MAP2: variants seen among roughly 807,000 people sequenced by gnomAD.
The protein encoded by MAP2 is microtubule-associated protein 2.
Under a neutral mutation model 137.6 loss-of-function variants are expected in MAP2, and 14 were observed. The ratio of observed to expected loss-of-function variants is 0.10; its 90% CI spans 0.07 to 0.16. The LOEUF (loss-of-function observed/expected upper bound fraction) is 0.16, where lower values mean the gene tolerates loss of function less well. MAP2 is among the 10% of genes least tolerant of loss of function. The pLI is 1.00. For synonymous variants in MAP2, 786 were observed against 782.3 expected (o/e 1.00, Z -0.08); for missense variants, 2,088 against 2,191.5 (o/e 0.95, Z 0.94).
At chr2:209,635,892 TG>T (rs1269462486) in intron 4 of MAP2, among the ~76,000 whole-genome samples, 1 of 152,102 alleles carries the variant, frequency 6.6e-6, no homozygotes, top group African/African-American at 2.4e-5. Context: ...CCTACAAGCA[TG>T]TAAGCAAAGA....
At chr2:209,475,716 C>G (rs1297215162) in intron 1 of MAP2, among the ~76,000 whole-genome samples, 1 of 152,052 alleles carries the variant, frequency 6.6e-6, no homozygotes, top group Non-Finnish European at 1.5e-5. Context: ...AAGCATCAAT[C>G]TTTGTATCTA....
intron 2 of MAP2, among the ~76,000 whole-genome samples, chr2:209,518,779 C>T (rs1218844246): frequency 6.6e-6 from 1 of 151,756 alleles, no homozygotes. Flanking sequence ...CTGTTTTTGT[C>T]GTAGGTTTTA....
chr2:209,542,416 G>A (rs183345379), intron 2 of MAP2, among the ~76,000 whole-genome samples: 10 of 152,252 alleles, frequency 6.6e-5, no homozygotes, highest in East Asian at 3.9e-4. Context: ...GTAAATGAGC[G>A]CTGACTTCAA....
At chr2:209,704,208 T>C (rs1480157778) in intron 11 of MAP2, among the ~76,000 whole-genome samples, 1 of 152,080 alleles carries the variant, frequency 6.6e-6, no homozygotes, top group African/African-American at 2.4e-5. Context: ...AATGAGAACA[T>C]GTGATATTTG....
At chr2:209,508,074 A>G (rs2061284679) in intron 2 of MAP2, among the ~76,000 whole-genome samples, 2 of 152,066 alleles carry the variant, frequency 1.3e-5, no homozygotes, top group South Asian at 4.1e-4. Context: ...AGAATTGAAA[A>G]CGTACTTTTC....
At chr2:209,667,072 C>G (rs577250030) in intron 5 of MAP2, among the ~76,000 whole-genome samples, 1 of 152,068 alleles carries the variant, frequency 6.6e-6, no homozygotes. Flanking sequence ...ATTTTGGACA[C>G]TCTAAACTCT....
chr2:209,436,749 A>C (rs1307320267), intron 1 of MAP2, among the ~76,000 whole-genome samples: 1 of 151,644 alleles, frequency 6.6e-6, no homozygotes, highest in Non-Finnish European at 1.5e-5. Flanking sequence ...AGTGTTTGTG[A>C]CGTTGATTTT....
chr2:209,556,950 A>G (rs2070831561), intron 2 of MAP2, among the ~76,000 whole-genome samples: 3 of 152,094 alleles, frequency 2.0e-5, no homozygotes, highest in South Asian at 2.1e-4. Context: ...GTTAAGTGCT[A>G]TATATTAAAT....
intron 1 of MAP2, among the ~76,000 whole-genome samples, chr2:209,465,720 A>G (rs559549325): frequency 6.6e-6 from 1 of 152,162 alleles, no homozygotes; most frequent in African/African-American, 2.4e-5. Flanking sequence ...TAGACTCCAT[A>G]GGAGTCTAAA....
At chr2:209,683,245 T>G (rs1291480610) in intron 7 of MAP2, among the ~76,000 whole-genome samples, 1 of 152,200 alleles carries the variant, frequency 6.6e-6, no homozygotes, top group African/African-American at 2.4e-5. Context: ...TTCAAGCTGT[T>G]TCAAGATATT....
chr2:209,638,103 T>C (rs1010008168), intron 4 of MAP2, among the ~76,000 whole-genome samples: 1 of 152,168 alleles, frequency 6.6e-6, no homozygotes, highest in African/African-American at 2.4e-5. Flanking sequence ...GTCTCATAAA[T>C]GTAAATGAAT....
At position 209,678,637 on chromosome 2, in the gene MAP2, C is replaced by G; in HGVS notation, c.328C>G (p.Gln110Glu). The change falls in exon 6 of 16, where the codon CAA becomes GAA. Residue 110 changes from glutamine to glutamate, a missense_variant. Gln to Glu is a conservative substitution (Grantham distance 29, BLOSUM62 2). Coordinates refer to ENST00000682079, the MANE Select transcript of MAP2 (RefSeq NM_001375505.1). ...GGCTGTAGCAGTCCTGAAAGGTGAA[C>G]AAGAGAAAGAAGCTCAACATAAAGA... is the stretch of plus-strand genomic sequence containing the variant. ...AEAVAVLKGE[Q>E]EKEAQHKDQT... 6.2e-7 allele frequency: 1 copy of G among 1,606,280 alleles called. No homozygotes were observed. The highest frequency in any genetic ancestry group is 1.1e-5 in the South Asian group (1 of 89,882).
chr2:209,617,905 T>C (rs1366278197), intron 3 of MAP2, among the ~76,000 whole-genome samples: 2 of 152,140 alleles, frequency 1.3e-5, no homozygotes, highest in Non-Finnish European at 2.9e-5. Context: ...ATCCTGCATA[T>C]GTTTTTATTT....
Position 209,730,490 on chromosome 2 carries a change from A to C in MAP2, c.*93A>C, listed in dbSNP as rs2153820189. 1 of 831,626 alleles carries C rather than the reference A, an allele frequency of 1.2e-6. No homozygotes were observed. The highest frequency in any genetic ancestry group is 2.5e-5 in the Admixed American group (1 of 40,380). 51.5% of individuals were successfully genotyped at this position (831,626 alleles called of 1,614,324 possible). A position where few individuals can be genotyped will look rare whatever the true frequency, so the allele number is the denominator to read the frequency against. On this transcript the variant is annotated 3_prime_UTR_variant, in exon 16 of 16. Coordinates refer to ENST00000682079, the MANE Select transcript of MAP2 (RefSeq NM_001375505.1). ...CAGTTGTTATATTCATTCTTTATAAACCATAAAATAAATAATCTCATCCCC... is the reference window on the plus strand; with the variant it reads ...CAGTTGTTATATTCATTCTTTATAACCCATAAAATAAATAATCTCATCCCC...
chr2:209,574,679 T>A (rs1209907873), intron 2 of MAP2, among the ~76,000 whole-genome samples: 1 of 152,238 alleles, frequency 6.6e-6, no homozygotes, highest in East Asian at 1.9e-4. Context: ...AATTTTATCA[T>A]TTTGTATATC....
At chr2:209,622,354 A>G (rs546918804) in intron 3 of MAP2, among the ~76,000 whole-genome samples, 3 of 152,318 alleles carry the variant, frequency 2.0e-5, no homozygotes, top group South Asian at 2.1e-4. Flanking sequence ...CCTAAAACCA[A>G]TTCTCAGTGT....
At chr2:209,708,007 T>C (rs1472907166) in intron 12 of MAP2, among the ~76,000 whole-genome samples, 1 of 152,194 alleles carries the variant, frequency 6.6e-6, no homozygotes, top group African/African-American at 2.4e-5. Context: ...ACCTACTGTT[T>C]TCAGCTCACA....
chr2:209,646,426 T>C (rs2094428413), intron 4 of MAP2, among the ~76,000 whole-genome samples: 1 of 152,178 alleles, frequency 6.6e-6, no homozygotes, highest in South Asian at 2.1e-4. Context: ...CATTTAAGTA[T>C]CTAGACACAT....
At chr2:209,640,130 T>G (rs1286211409) in intron 4 of MAP2, among the ~76,000 whole-genome samples, 2 of 152,096 alleles carry the variant, frequency 1.3e-5, no homozygotes, top group African/African-American at 2.4e-5. Flanking sequence ...CTTTAAACCC[T>G]CTTCCAGGCA....
Sources: allele counts gnomAD v4.1 joint callset (sites outside exome capture counted in the v4.1 genomes callset), GRCh38; gene constraint gnomAD v4.1.1; transcripts MANE v1.5; gene names NCBI Gene and HGNC (gene_info 2026-07-23, HGNC 2026-07-21).